Variants in BLNK observed in about 807,000 individuals in gnomAD.
BLNK encodes the protein B cell linker.
Under a neutral mutation model 73.5 loss-of-function variants are expected in BLNK, and 29 were observed. That is an observed-to-expected ratio of 0.39 (90% CI 0.29 to 0.54). The LOEUF is 0.54. Ranked by LOEUF, BLNK falls within the 20% of genes least tolerant of loss-of-function variation. The pLI is 0.61. For missense variants in BLNK, 460 were observed against 562.8 expected (o/e 0.82, Z 1.85); for synonymous variants, 176 against 200.8 (o/e 0.88, Z 1.04).
At chr10:96,254,118 A>C (rs1236639561) in intron 1 of BLNK, among the ~76,000 whole-genome samples, 1 of 152,186 alleles carries the variant, frequency 6.6e-6, no homozygotes, top group Non-Finnish European at 1.5e-5. Flanking sequence ...TGGAAAGAGC[A>C]AAAGAGACGA....
chr10:96,213,707 C>T lies in BLNK; in HGVS notation c.676+1614G>A, dbSNP rs2083999202. Among the ~76,000 whole-genome samples, 3 of 152,324 alleles carry T rather than the reference C, an allele frequency of 2.0e-5. No homozygotes were observed. The South Asian group carries it at 6.2e-4, about 32-fold the overall frequency. Reference sequence around the variant, plus strand: ...AACACCAGATATTAGTAATCTATTTCTCTAAAGGAGGGTTGAGGTCTTCAT... The same window carrying T: ...AACACCAGATATTAGTAATCTATTTTTCTAAAGGAGGGTTGAGGTCTTCAT... On this transcript the variant is annotated intron_variant, in intron 8 of 16. Transcript: ENST00000224337.
intron 1 of BLNK, among the ~76,000 whole-genome samples, chr10:96,255,918 CTT>C (rs1369812205): frequency 6.6e-6 from 1 of 152,216 alleles, no homozygotes; most frequent in Admixed American, 6.5e-5. Flanking sequence ...CAAGCCTGAG[CTT>C]TTTGTCATGG....
chr10:96,217,225 C>T (rs1406949918), intron 6 of BLNK, among the ~76,000 whole-genome samples: 1 of 152,126 alleles, frequency 6.6e-6, no homozygotes, highest in Non-Finnish European at 1.5e-5. Context: ...AGCTGATGGA[C>T]ATTTGAGTTT....
intron 9 of BLNK, 152 bp from the exon 10 acceptor site, chr10:96,208,051 T>A: frequency 1.2e-6 from 1 of 829,792 alleles, no homozygotes; most frequent in Non-Finnish European, 2.0e-6. Flanking sequence ...GGGATGGAAG[T>A]GGGATTTAGT....
chr10:96,252,695 G>C (rs1468072342), intron 1 of BLNK, among the ~76,000 whole-genome samples: 1 of 152,170 alleles, frequency 6.6e-6, no homozygotes, highest in African/African-American at 2.4e-5. Flanking sequence ...TTGAGCCACA[G>C]TTTGCAAAAC....
At chr10:96,232,863 G>A (rs1842558427) in intron 3 of BLNK, among the ~76,000 whole-genome samples, 1 of 151,404 alleles carries the variant, frequency 6.6e-6, no homozygotes, top group African/African-American at 2.4e-5. Context: ...TGCCCAGGTG[G>A]GAGTGCAGTG....
Position 96,231,079 on chromosome 10 carries a change from G to A in BLNK, c.164-245C>T, listed in dbSNP as rs1042215901. 1.4e-4 allele frequency among the ~76,000 whole-genome samples: 21 copies of A among 152,196 alleles called. 1 individual carries two copies. Among genetic ancestry groups the A allele is most frequent in the African/African-American group, 5.1e-4 (21 of 41,442 alleles). On this transcript the variant is annotated intron_variant, in intron 3 of 16. Transcript: ENST00000224337. ...GCAATGTGCGTCTGATCCATGTGTG[G>A]GCTTTGTTAAGGGACATTTCTGGGT...
rs1554893581 is a variant in BLNK, at chr10:96,192,075, A to G, written c.1269T>C (p.Ala423=). Residue 423 remains alanine (A), a synonymous_variant, in exon 17 of 17, where the codon GCT becomes GCC. Transcript: ENST00000224337. ...KNGEEYFGSV[A]EIIRNHQHSP... is the part of the protein sequence containing the mutation. ...TATGTTGATGATTCCTGATGATTTC[A>G]GCAACACTTCCAAAGTACTAGAGGA... is the stretch of plus-strand genomic sequence containing the variant. 1 of 1,613,768 alleles carries G rather than the reference A, an allele frequency of 6.2e-7. No individual in the cohort carries two copies. Among genetic ancestry groups the G allele is most frequent in the Non-Finnish European group, 8.5e-7 (1 of 1,179,788 alleles).
chr10:96,201,738 G>GCATTCATTCATT (rs59428057), intron 13 of BLNK, among the ~76,000 whole-genome samples: 169 of 138,704 alleles, frequency 1.2e-3, no homozygotes, highest in Admixed American at 1.7e-3. Flanking sequence ...AGACTTATCT[G>GCATTCATTCATT]CATTCATTCA....
intron 1 of BLNK, among the ~76,000 whole-genome samples, chr10:96,256,055 G>A (rs1005914641): frequency 6.6e-6 from 1 of 152,218 alleles, no homozygotes; most frequent in African/African-American, 2.4e-5. Context: ...AAAAGGGCCA[G>A]GCGTGGTGGT....
chr10:96,252,055 AT>A (rs561072241), intron 1 of BLNK, among the ~76,000 whole-genome samples: 80 of 151,960 alleles, frequency 5.3e-4, no homozygotes, highest in Admixed American at 9.2e-4. Context: ...TATTTTTATT[AT>A]TATTATTATT....
chr10:96,201,723 G>A (rs1310664900), intron 13 of BLNK, among the ~76,000 whole-genome samples: 1 of 146,814 alleles, frequency 6.8e-6, no homozygotes, highest in Non-Finnish European at 1.5e-5. Context: ...TGTGAAATAC[G>A]AAAAAGACTT....
intron 15 of BLNK, 186 bp downstream of exon 15, chr10:96,199,889 G>T (rs2083584156): frequency 6.3e-6 from 2 of 319,822 alleles, no homozygotes; most frequent in South Asian, 6.7e-5. Context: ...CCGGGCTTGG[G>T]GGCACACACA....
chr10:96,239,123 A>G (rs1554905634), intron 3 of BLNK: 2 of 398,538 alleles, frequency 5.0e-6, no homozygotes, highest in African/African-American at 4.1e-5. Flanking sequence ...ATGTTCTGAC[A>G]TCAAGACTAT....
intron 15 of BLNK, among the ~76,000 whole-genome samples, chr10:96,198,801 C>T (rs1274435796): frequency 6.6e-6 from 1 of 152,190 alleles, no homozygotes; most frequent in Non-Finnish European, 1.5e-5. Context: ...TAGGCCCAAC[C>T]GATTCTCCTG....
At chr10:96,209,756 C>A in intron 9 of BLNK, 82 bp downstream of exon 9, 1 of 1,539,970 alleles carries the variant, frequency 6.5e-7, no homozygotes, top group Non-Finnish European at 9.0e-7. Context: ...GGGAGAACTT[C>A]TAATGAAGTC....
At chr10:96,209,119 A>T (rs2083889696) in intron 9 of BLNK, among the ~76,000 whole-genome samples, 1 of 151,294 alleles carries the variant, frequency 6.6e-6, no homozygotes, top group South Asian at 2.1e-4. Context: ...AGAAAGAATG[A>T]CTGTCACTTT....
rs2083334445 is a variant in BLNK at position 96,191,834 on chromosome 10, A to G, written c.*139T>C. 1.7e-6 allele frequency: 2 copies of G among 1,145,990 alleles called. No individual in the cohort carries two copies. Among genetic ancestry groups the G allele is most frequent in the African/African-American group, 1.5e-5 (1 of 65,204 alleles). The allele number at this position is 1,145,990 out of a possible 1,614,324, so 71.0% of individuals were successfully genotyped here. A position where few individuals can be genotyped will look rare whatever the true frequency, so the allele number is the denominator to read the frequency against. ...GCTTCTTAAAAAGAAATGGATGACC[A>G]CTTCAATAGCTGACTCCATCTTCCA... On this transcript the variant is annotated 3_prime_UTR_variant, in exon 17 of 17. Transcript: ENST00000224337.
chr10:96,209,071 G>C (rs736070), intron 9 of BLNK, among the ~76,000 whole-genome samples: 139,052 of 152,246 alleles, frequency 0.91, 64,502 homozygotes, highest in Non-Finnish European at 1. Context: ...CATTACAATC[G>C]TCACCTGACT....
Sources: gnomAD v4.1 joint callset for allele counts (sites outside exome capture counted in the v4.1 genomes callset) on GRCh38, gnomAD v4.1.1 for gene constraint, MANE v1.5 for transcripts, NCBI Gene and HGNC (gene_info 2026-07-23, HGNC 2026-07-21) for gene names.